The following FBLN1 variants were observed in gnomAD, a reference collection of about 807,000 sequenced individuals.
The protein encoded by FBLN1 is fibulin 1.
FBLN1 carries 34 observed loss-of-function variants against 89.7 expected under a neutral mutation model. The observed-to-expected ratio is 0.38, with a 90% CI of 0.29 to 0.50. FBLN1 has a LOEUF of 0.50. Among genes scored for constraint, FBLN1 ranks in the 20% least tolerant of loss-of-function variants. FBLN1 has a pLI of 0.92. For synonymous variants in FBLN1, 393 were observed against 391.3 expected (o/e 1.00, Z -0.05); for missense variants, 777 against 988.1 (o/e 0.79, Z 2.86).
intron 16 of FBLN1, among the ~76,000 whole-genome samples, chr22:45,595,000 C>G (rs1020761631): frequency 6.6e-6 from 1 of 152,188 alleles, no homozygotes; most frequent in African/African-American, 2.4e-5. Context: ...GTGCCAGGAA[C>G]TGAGGACCAG....
At position 45,518,698 on chromosome 22, in the gene FBLN1, C is replaced by T. The variant is rs1305951771; in HGVS notation, c.96C>T (p.Leu32=). The T allele has an allele frequency of 1.2e-6, 2 of 1,608,496 alleles. No homozygotes were observed. Among genetic ancestry groups the T allele is most frequent in the Non-Finnish European group, 8.5e-7 (1 of 1,177,670 alleles). Residue 32 remains leucine (L), a synonymous_variant, in exon 2 of 17, where the codon CTC becomes CTT. Transcript: ENST00000327858. ...LLAAGVDADV[L]LEACCADGHR... The stretch of plus-strand genomic sequence containing the variant: ...CCTGCACAGTGGACGCGGATGTCCT[C>T]CTGGAGGCCTGCTGTGCGGACGGAC...
rs936850361 is a variant in FBLN1 at position 45,579,458 on chromosome 22, G to C, written c.1972+2350G>C. ...TGGATGAGGCCACAAGGACCCAGCG[G>C]CTTCCCCCGGCACAGTTGGTCACGG... On this transcript the variant is annotated intron_variant, in intron 16 of 16. Coordinates refer to ENST00000327858, the MANE Select transcript of FBLN1 (RefSeq NM_006486.3). The surrounding 1 kb of genome is among the most constrained non-coding windows in gnomAD (Gnocchi z 5.5). Among the ~76,000 whole-genome samples the C allele has an allele frequency of 2.0e-5, 3 of 152,276 alleles. No homozygotes were observed. The highest frequency in any genetic ancestry group is 4.8e-5 in the African/African-American group (2 of 41,484).
intron 11 of FBLN1, 40 bp downstream of exon 11, chr22:45,543,566 C>T: frequency 6.2e-7 from 1 of 1,606,706 alleles, no homozygotes; most frequent in Non-Finnish European, 8.5e-7. Flanking sequence ...CCCCAGGTCA[C>T]CTTCCTCCTG....
rs1292876189 is a variant in FBLN1 at position 45,531,933 on chromosome 22, G to A, written c.544+609G>A. 1.3e-5 allele frequency among the ~76,000 whole-genome samples: 2 copies of A among 152,222 alleles called. No individual in the cohort carries two copies. Among genetic ancestry groups the A allele is most frequent in the Non-Finnish European group, 2.9e-5 (2 of 68,034 alleles). ...TTTGTGCCCCTGGAGCCCCAGCCAC[G>A]GTTCTGTCACCATTGGTGATATTCA... is the stretch of plus-strand genomic sequence containing the variant. On this transcript the variant is annotated intron_variant, in intron 5 of 16. Transcript: ENST00000327858. This position sits in a 1 kb window ranked among gnomAD's most constrained non-coding sequence, Gnocchi z 4.9.
chr22:45,517,328 T>C, intron 1 of FBLN1: 4 of 327,206 alleles, frequency 1.2e-5, no homozygotes, highest in South Asian at 9.0e-5. Context: ...TAATGCTTTC[T>C]GGCATTTGAG....
chr22:45,571,490 C>T (rs529426251), intron 14 of FBLN1, among the ~76,000 whole-genome samples: 7 of 151,928 alleles, frequency 4.6e-5, no homozygotes, highest in South Asian at 2.1e-4. Context: ...AACTCTGAGC[C>T]GAATAGGGAG....
rs2089041425 is a variant in FBLN1 at position 45,581,479 on chromosome 22, G to C, written c.1972+4371G>C. On this transcript the variant is annotated intron_variant, in intron 16 of 16. Transcript: ENST00000327858. This position sits in a 1 kb window ranked among gnomAD's most constrained non-coding sequence, Gnocchi z 7.6. The stretch of plus-strand genomic sequence containing the variant: ...CCTATTTCTCCAGGGAGGGAAATCT[G>C]TGTGCTATGAGGCTTGGTTGTGGCC... Among the ~76,000 whole-genome samples the C allele has an allele frequency of 6.6e-6, 1 of 152,120 alleles. No individual in the cohort carries two copies. The highest frequency in any genetic ancestry group is 1.5e-5 in the Non-Finnish European group (1 of 68,024).
chr22:45,525,209 A>G (rs1569239424), intron 2 of FBLN1, among the ~76,000 whole-genome samples: 2 of 151,544 alleles, frequency 1.3e-5, no homozygotes, highest in East Asian at 3.9e-4. Flanking sequence ...GAGAGAAAGA[A>G]AGAAAGAGAG....
intron 14 of FBLN1, chr22:45,565,696 TGATG>T: frequency 5.9e-6 from 1 of 170,912 alleles, no homozygotes; most frequent in Non-Finnish European, 1.2e-5. Flanking sequence ...ACATGCAGGT[TGATG>T]GATGGATGGA....
rs1044906783 is a variant in FBLN1, at chr22:45,600,593, T to C, written c.*147T>C. On this transcript the variant is annotated 3_prime_UTR_variant, in exon 17 of 17. Coordinates refer to ENST00000327858, the MANE Select transcript of FBLN1 (RefSeq NM_006486.3). The stretch of plus-strand genomic sequence containing the variant: ...CCAACATGTATTAAGCTGAGCCAGA[T>C]GAATAAGTCCATCTGATGTATTTTC... 1.1e-5 allele frequency: 10 copies of C among 905,194 alleles called. No homozygotes were observed. The African/African-American group carries it at 1.6e-4, about 15-fold the overall frequency. The allele number at this position is 905,194 out of a possible 1,614,324, so 56.1% of individuals were successfully genotyped here.
rs545434511 is a variant in FBLN1, at chr22:45,533,749, G to T, written c.647-12G>T. On this transcript the variant is annotated splice_polypyrimidine_tract_variant and intron_variant, in intron 6 of 16. Transcript: ENST00000327858. ...TTGCTGGTCACCCCCGCACTGCCTCGGTCTCTCCTAGATGTCAATGAATGC... is the reference window on the plus strand; with the variant it reads ...TTGCTGGTCACCCCCGCACTGCCTCTGTCTCTCCTAGATGTCAATGAATGC... The T allele has an allele frequency of 5.7e-5, 91 of 1,609,982 alleles. No individual in the cohort carries two copies. The Middle Eastern group carries it at 6.6e-4, about 12-fold the overall frequency.
Position 45,576,867 on chromosome 22 carries a change from G to A in FBLN1, c.1841-110G>A, listed in dbSNP as rs1246320283. The stretch of plus-strand genomic sequence containing the variant: ...GCTTCATTGATGTTGTCTCATGAAA[G>A]GGCCCTGGGTTAGGTCTTCATTCCC... On this transcript the variant is annotated intron_variant, in intron 15 of 16. Transcript: ENST00000327858. This position sits in a 1 kb window ranked among gnomAD's most constrained non-coding sequence, Gnocchi z 5.2. 5 of 1,335,972 alleles carry A rather than the reference G, an allele frequency of 3.7e-6. No individual in the cohort carries two copies. Among genetic ancestry groups the A allele is most frequent in the Non-Finnish European group, 5.3e-6 (5 of 951,720 alleles). The allele number at this position is 1,335,972 out of a possible 1,614,324, so 82.8% of individuals were successfully genotyped here. A position where few individuals can be genotyped will look rare whatever the true frequency, so the allele number is the denominator to read the frequency against.
At chr22:45,571,985 T>C (rs1259837737) in intron 14 of FBLN1, among the ~76,000 whole-genome samples, 2 of 151,944 alleles carry the variant, frequency 1.3e-5, no homozygotes, top group Admixed American at 6.6e-5. Context: ...AAAAATTAGC[T>C]GGTCGTGGTG....
At chr22:45,595,603 G>A (rs2089177212) in intron 16 of FBLN1, among the ~76,000 whole-genome samples, 1 of 7,630 alleles carries the variant, frequency 1.3e-4, no homozygotes, top group East Asian at 1.7e-3. Flanking sequence ...ACCAAACCTC[G>A]TGAAGTACTC....
rs2088872910 is a variant in FBLN1 at position 45,563,344 on chromosome 22, C to G, written c.1698-11167C>G. Reference sequence around the variant, plus strand: ...CTCCGGGGCGTTAATAAAGTCTTAGCAAGCGTCCCACACAGTGAGCCTCGC... The same window carrying G: ...CTCCGGGGCGTTAATAAAGTCTTAGGAAGCGTCCCACACAGTGAGCCTCGC... On this transcript the variant is annotated intron_variant, in intron 14 of 16. Coordinates refer to ENST00000327858, the MANE Select transcript of FBLN1 (RefSeq NM_006486.3). This position sits in a 1 kb window ranked among gnomAD's most constrained non-coding sequence, Gnocchi z 5.7. 8 of 1,601,966 alleles carry G rather than the reference C, an allele frequency of 5.0e-6. No individual in the cohort carries two copies. Among genetic ancestry groups the G allele is most frequent in the Non-Finnish European group, 6.8e-6 (8 of 1,177,274 alleles).
chr22:45,530,264 C>T lies in FBLN1; in HGVS notation c.485-1001C>T, dbSNP rs893145299. On this transcript the variant is annotated intron_variant, in intron 4 of 16. Coordinates refer to ENST00000327858, the MANE Select transcript of FBLN1 (RefSeq NM_006486.3). This position sits in a 1 kb window ranked among gnomAD's most constrained non-coding sequence, Gnocchi z 5.4. ...CTGGTGGAGGATTTCTCCTGCATCT[C>T]GGGGGTGGATTTTCACTGATTTATG... is the stretch of plus-strand genomic sequence containing the variant. 1.3e-5 allele frequency among the ~76,000 whole-genome samples: 2 copies of T among 151,984 alleles called. No homozygotes were observed. Among genetic ancestry groups the T allele is most frequent in the African/African-American group, 4.8e-5 (2 of 41,380 alleles).
At position 45,524,378 on chromosome 22, in the gene FBLN1, G is replaced by A. The variant is rs184797682; in HGVS notation, c.186-1165G>A. On this transcript the variant is annotated intron_variant, in intron 2 of 16. Coordinates refer to ENST00000327858, the MANE Select transcript of FBLN1 (RefSeq NM_006486.3). Reference sequence around the variant, plus strand: ...CTCATTGCCTTTGGAGCCCGCCCACGCCAGCCCCTAGCTGTCACAGCCTCA... The same window carrying A: ...CTCATTGCCTTTGGAGCCCGCCCACACCAGCCCCTAGCTGTCACAGCCTCA... 3.3e-3 allele frequency among the ~76,000 whole-genome samples: 506 copies of A among 152,308 alleles called. 1 individual carries two copies. Among genetic ancestry groups the A allele is most frequent in the African/African-American group, 0.012 (488 of 41,572 alleles).
intron 1 of FBLN1, among the ~76,000 whole-genome samples, chr22:45,507,904 G>A (rs915971325): frequency 1.3e-5 from 2 of 152,108 alleles, no homozygotes; most frequent in Non-Finnish European, 2.9e-5. Flanking sequence ...TATGAAGCCC[G>A]GCTTCTTGTT....
In FBLN1 at chr22:45,577,201, C is replaced by G; in HGVS notation, c.1972+93C>G. 1.4e-6 allele frequency: 2 copies of G among 1,447,122 alleles called. No individual in the cohort carries two copies. The highest frequency in any genetic ancestry group is 1.9e-6 in the Non-Finnish European group (2 of 1,045,124). The allele number at this position is 1,447,122 out of a possible 1,614,324, so 89.6% of individuals were successfully genotyped here. On this transcript the variant is annotated intron_variant, in intron 16 of 16. Coordinates refer to ENST00000327858, the MANE Select transcript of FBLN1 (RefSeq NM_006486.3). This position sits in a 1 kb window ranked among gnomAD's most constrained non-coding sequence, Gnocchi z 6.6. ...CCAGCCCAACTCCCATCTGAGTCCC[C>G]TCCCCAAATTCAAGCCCACCCAACC...
Sources: allele counts gnomAD v4.1 joint callset (sites outside exome capture counted in the v4.1 genomes callset), GRCh38; gene constraint gnomAD v4.1.1; non-coding constraint Gnocchi (gnomAD v3.1); transcripts MANE v1.5; gene names NCBI Gene and HGNC (gene_info 2026-07-23, HGNC 2026-07-21).